FAT3: variants seen among roughly 807,000 people sequenced by gnomAD.
The protein encoded by FAT3 is protocadherin Fat 3.
FAT3 carries 95 observed loss-of-function variants against 310.2 expected under a neutral mutation model. That is an observed-to-expected ratio of 0.31 (90% CI 0.26 to 0.36). The LOEUF is 0.36. FAT3 is among the 10% of genes least tolerant of loss of function. FAT3 has a pLI of 1.00. For synonymous variants in FAT3, 2,314 were observed against 2,192.9 expected, an observed-to-expected ratio of 1.06 and a Z score of -1.54; for missense variants, 5,408 against 5,715.6, an observed-to-expected ratio of 0.95 and a Z score of 1.74.
At chr11:92,864,575 T>G (rs1369320019) in intron 21 of FAT3, among the ~76,000 whole-genome samples, 2 of 152,166 alleles carry the variant, frequency 1.3e-5, no homozygotes, top group Non-Finnish European at 2.9e-5. Context: ...CCCAGCACTT[T>G]GAGAGGCCGA....
intron 3 of FAT3, among the ~76,000 whole-genome samples, chr11:92,661,705 C>T (rs1015327291): frequency 1.3e-5 from 2 of 152,026 alleles, no homozygotes; most frequent in Non-Finnish European, 2.9e-5. Context: ...GGAAAAAACT[C>T]ATTTCTCTTT....
chr11:92,758,189 C>A (rs913785681), intron 4 of FAT3, among the ~76,000 whole-genome samples: 1 of 152,156 alleles, frequency 6.6e-6, no homozygotes, highest in African/African-American at 2.4e-5. Flanking sequence ...CAGAACATAA[C>A]AATGAATAAG....
intron 4 of FAT3, among the ~76,000 whole-genome samples, chr11:92,743,628 G>A (rs1020039359): frequency 1.3e-5 from 2 of 152,218 alleles, no homozygotes; most frequent in African/African-American, 4.8e-5. Flanking sequence ...CAGGCAGAGG[G>A]CCGCATGTGT....
At chr11:92,283,814 G>C (rs1435968417) in intron 1 of FAT3, among the ~76,000 whole-genome samples, 2 of 152,040 alleles carry the variant, frequency 1.3e-5, no homozygotes, top group Admixed American at 6.6e-5. Flanking sequence ...TTGTGTTAGT[G>C]CACCTTGAGA....
intron 2 of FAT3, among the ~76,000 whole-genome samples, chr11:92,356,685 A>G (rs887407701): frequency 4.6e-5 from 7 of 152,146 alleles, no homozygotes; most frequent in South Asian, 2.1e-4. Context: ...CAAAGACTCT[A>G]TCTCTATATA....
chr11:92,427,524 T>C (rs1019308246), intron 2 of FAT3, among the ~76,000 whole-genome samples: 4 of 152,184 alleles, frequency 2.6e-5, no homozygotes, highest in Non-Finnish European at 4.4e-5. Context: ...ATGGCTCTTA[T>C]TATTTTGAGA....
At chr11:92,226,841 C>G (rs1387745193) in intron 1 of FAT3, among the ~76,000 whole-genome samples, 3 of 152,256 alleles carry the variant, frequency 2.0e-5, no homozygotes, top group African/African-American at 7.2e-5. Flanking sequence ...GCAGCCGCGG[C>G]GGGAGGGAGG....
intron 3 of FAT3, among the ~76,000 whole-genome samples, chr11:92,633,903 T>C (rs1407720847): frequency 6.6e-6 from 1 of 152,184 alleles, no homozygotes; most frequent in Non-Finnish European, 1.5e-5. Flanking sequence ...GATTAATGTA[T>C]CTGTTGTCTC....
chr11:92,272,293 T>A (rs1030199571), intron 1 of FAT3, among the ~76,000 whole-genome samples: 8 of 152,048 alleles, frequency 5.3e-5, no homozygotes, highest in African/African-American at 1.9e-4. Context: ...ATCAAGCACA[T>A]AAGGCCGAGT....
intron 3 of FAT3, among the ~76,000 whole-genome samples, chr11:92,640,276 C>T (rs965885565): frequency 1.3e-5 from 2 of 152,082 alleles, no homozygotes; most frequent in African/African-American, 4.8e-5. Flanking sequence ...GGACAGGAGC[C>T]TCTCACTCCT....
At chr11:92,349,645 C>T (rs1398733467) in intron 1 of FAT3, among the ~76,000 whole-genome samples, 3 of 152,184 alleles carry the variant, frequency 2.0e-5, no homozygotes, top group Non-Finnish European at 4.4e-5. Context: ...GGGTCACCAG[C>T]GGCCATCTGA....
At chr11:92,382,773 C>T (rs142842177) in intron 2 of FAT3, among the ~76,000 whole-genome samples, 3 of 152,230 alleles carry the variant, frequency 2.0e-5, no homozygotes, top group South Asian at 2.1e-4. Context: ...AAGAGTGGTC[C>T]GCATGGAGTC....
chr11:92,408,562 A>G (rs563600221), intron 2 of FAT3, among the ~76,000 whole-genome samples: 12 of 152,308 alleles, frequency 7.9e-5, no homozygotes, highest in African/African-American at 2.9e-4. Flanking sequence ...AAGGCAGGGC[A>G]CAGAGTGAAC....
Position 92,887,007 on chromosome 11 carries a change from G to A in FAT3, c.12945G>A (p.Gly4315=). The A allele has an allele frequency of 6.2e-7, 1 of 1,603,450 alleles. No homozygotes were observed. The highest frequency in any genetic ancestry group is 8.5e-7 in the Non-Finnish European group (1 of 1,175,128). The change falls in exon 25 of 28, where the codon GGG becomes GGA. Residue 4315 remains glycine (G), a synonymous_variant. Coordinates refer to ENST00000525166, the MANE Select transcript of FAT3 (RefSeq NM_001367949.2). ...CTTTCACTGTCCATGAAGACAAAGG[G>A]GTTGATGACCCGGGAGAAGTGACCT... is the stretch of plus-strand genomic sequence containing the variant. ...NGWDAGTENK[G]VDDPGEVTCF... is the part of the protein sequence containing the mutation.
At position 92,697,374 on chromosome 11, in the gene FAT3, T is replaced by C. The variant is rs376289468; in HGVS notation, c.3608-10T>C. ...ATATTTAAAAGTCAAATATTCTCAT[T>C]TCTACACAGGTCTGATTACAACAAC... is the stretch of plus-strand genomic sequence containing the variant. On this transcript the variant is annotated splice_polypyrimidine_tract_variant and intron_variant, in intron 3 of 27. Coordinates refer to ENST00000525166, the MANE Select transcript of FAT3 (RefSeq NM_001367949.2). 3 of 1,613,310 alleles carry C rather than the reference T, an allele frequency of 1.9e-6. No individual in the cohort carries two copies. The African/African-American group carries it at 4.0e-5, about 22-fold the overall frequency.
In FAT3 at chr11:92,647,602, A is replaced by G. The variant is rs74441404; in HGVS notation, c.3608-49782A>G. On this transcript the variant is annotated intron_variant, in intron 3 of 27. Transcript: ENST00000525166. ...AATTCTTATAACATTTTTCAGCCCA[A>G]TAGCATTGAGGGCTCAACATGAACA... 6.6e-4 allele frequency among the ~76,000 whole-genome samples: 100 copies of G among 152,292 alleles called. No individual in the cohort carries two copies. The East Asian group carries it at 0.018, about 27-fold the overall frequency.
chr11:92,825,332 A>G (rs1253329725), intron 13 of FAT3, among the ~76,000 whole-genome samples: 3 of 152,154 alleles, frequency 2.0e-5, no homozygotes, highest in African/African-American at 4.8e-5. Flanking sequence ...TCCTTTACCT[A>G]AAAGGTACAT....
intron 2 of FAT3, among the ~76,000 whole-genome samples, chr11:92,485,471 T>A (rs1415387222): frequency 1.3e-5 from 2 of 152,172 alleles, no homozygotes; most frequent in African/African-American, 4.8e-5. Flanking sequence ...GTATTTAGAC[T>A]ATTGGAATAA....
At chr11:92,457,925 AAAC>A (rs1411052941) in intron 2 of FAT3, among the ~76,000 whole-genome samples, 10 of 152,174 alleles carry the variant, frequency 6.6e-5, no homozygotes, top group Non-Finnish European at 1.2e-4. Flanking sequence ...CCATCTCAAA[AAAC>A]AAAATAAATA....
Sources: allele counts gnomAD v4.1 joint callset (sites outside exome capture counted in the v4.1 genomes callset), GRCh38; gene constraint gnomAD v4.1.1; transcripts MANE v1.5; gene names NCBI Gene and HGNC (gene_info 2026-07-23, HGNC 2026-07-21).